The following KLK9 variants were observed in gnomAD, a reference collection of about 807,000 sequenced individuals.
KLK9 encodes kallikrein-9.
In KLK9, 26 loss-of-function variants were observed where a neutral mutation model predicts 23.3. That is an observed-to-expected ratio of 1.12 (90% CI 0.82 to 1.55). The LOEUF is 1.55. Among genes scored for constraint, KLK9 ranks in the 40% most tolerant of loss-of-function variants. KLK9 has a pLI of 0.00. For synonymous variants in KLK9, 122 were observed against 128.5 expected (o/e 0.95, Z 0.34); for missense variants, 346 against 333.7 (o/e 1.04, Z -0.29).
intron 2 of KLK9, among the ~76,000 whole-genome samples, chr19:51,008,418 G>T (rs1017277050): frequency 2.0e-5 from 3 of 151,630 alleles, no homozygotes; most frequent in South Asian, 2.1e-4. Context: ...TTAAGAGTCT[G>T]GGATTCAAAT....
Position 51,002,641 on chromosome 19 carries a change from A to G in KLK9, c.*470T>C, listed in dbSNP as rs189680594. On this transcript the variant is annotated 3_prime_UTR_variant, in exon 5 of 5. Transcript: ENST00000594211. The stretch of plus-strand genomic sequence containing the variant: ...AGCACACGCCCAGGACGGGGCCACA[A>G]GGGGCTGAGCTCTACACCGCCCGAG... The G allele has an allele frequency of 0.015, 2,354 of 152,632 alleles. 60 individuals are homozygous for G. Among genetic ancestry groups the G allele is most frequent in the African/African-American group, 0.055 (2,224 of 40,664 alleles). The allele number at this position is 152,632 out of a possible 1,614,324, so 9.5% of individuals were successfully genotyped here. A position where few individuals can be genotyped will look rare whatever the true frequency, so the allele number is the denominator to read the frequency against.
In KLK9 at chr19:51,009,388, G is replaced by T. The variant is rs761058524; in HGVS notation, c.44-49C>A. On this transcript the variant is annotated intron_variant, in intron 1 of 4. Coordinates refer to ENST00000594211, the MANE Select transcript of KLK9 (RefSeq NM_012315.2). This position sits in a 1 kb window ranked among gnomAD's most constrained non-coding sequence, Gnocchi z 4.8. ...GGGGTCAGCGAAGAGCAGGCTGGGA[G>T]GGCAGGGAGAGGATGCTGAGAAGCC... 1.9e-6 allele frequency: 3 copies of T among 1,546,100 alleles called. No homozygotes were observed. The South Asian group carries it at 3.8e-5, about 19-fold the overall frequency.
At chr19:51,008,809 C>G (rs937888994) in intron 2 of KLK9, among the ~76,000 whole-genome samples, 9 of 152,258 alleles carry the variant, frequency 5.9e-5, no homozygotes, top group Admixed American at 5.9e-4. Context: ...ACACATGTGG[C>G]TGGCATCATA....
rs778274403 is a variant in KLK9, at chr19:51,009,310, C to T, written c.73G>A (p.Gly25Arg). The change falls in exon 2 of 5, where the codon GGG becomes AGG. Residue 25 changes from glycine (G) to arginine (R), a missense_variant. Physicochemically the swap from Gly to Arg is moderately radical, Grantham distance 125 (BLOSUM62 -2). Coordinates refer to ENST00000594211, the MANE Select transcript of KLK9 (RefSeq NM_012315.2). The surrounding 1 kb of genome is among the most constrained non-coding windows in gnomAD (Gnocchi z 4.8). Reference sequence around the variant, plus strand: ...GAGTTGGGGCGACATTCCTCGGCCCCGATGGCACGGGTGTCTGCCCAGCCA... The same window carrying T: ...GAGTTGGGGCGACATTCCTCGGCCCTGATGGCACGGGTGTCTGCCCAGCCA... Reference protein sequence around the residue: ...GHGWADTRAIGAEECRPNSQP... With the variant: ...GHGWADTRAIRAEECRPNSQP... 16 of 1,593,396 alleles carry T rather than the reference C, an allele frequency of 1.0e-5. No individual in the cohort carries two copies. Among genetic ancestry groups the T allele is most frequent in the Admixed American group, 8.7e-5 (5 of 57,450 alleles).
In KLK9 at chr19:51,006,922, A is replaced by G. The variant is rs984761725; in HGVS notation, c.201-199T>C. 2.0e-5 allele frequency among the ~76,000 whole-genome samples: 3 copies of G among 151,542 alleles called. No homozygotes were observed. The highest frequency in any genetic ancestry group is 6.6e-5 in the Admixed American group (1 of 15,200). On this transcript the variant is annotated intron_variant, in intron 2 of 4. Coordinates refer to ENST00000594211, the MANE Select transcript of KLK9 (RefSeq NM_012315.2). The surrounding 1 kb of genome is among the most constrained non-coding windows in gnomAD (Gnocchi z 4.1). ...CACCTCCTCTGGGTCCCTGGTCCCC[A>G]CTCTGATGTTTTGTGTGTCTCCATC...
At position 51,003,201 on chromosome 19, in the gene KLK9, AC is replaced by A; in HGVS notation, c.662del (p.Gly221ValfsTer50). 6.2e-7 allele frequency: 1 copy of A among 1,612,884 alleles called. No individual in the cohort carries two copies. On this transcript the variant is annotated frameshift_variant, in exon 5 of 5. Transcript: ENST00000594211. LOFTEE classifies it low-confidence loss of function (END_TRUNC). ...GCCGGGGTCTGGAGCAGGGCTCAGCACCCCCAGACACCACGCCTGCCAAGGT... is the reference window on the plus strand; with the variant it reads ...GCCGGGGTCTGGAGCAGGGCTCAGCACCCCAGACACCACGCCTGCCAAGGT... ...NGTLAGVVSG[G>X]AEPCSRPRRP...
At position 51,009,088 on chromosome 19, in the gene KLK9, G is replaced by C. The variant is rs966244592; in HGVS notation, c.200+95C>G. On this transcript the variant is annotated intron_variant, in intron 2 of 4. Coordinates refer to ENST00000594211, the MANE Select transcript of KLK9 (RefSeq NM_012315.2). This position sits in a 1 kb window ranked among gnomAD's most constrained non-coding sequence, Gnocchi z 4.8. ...AAGAGTTGAACTTGTGGTATCAGAA[G>C]TGGAGGCTCCGCACTTCTGGCCTAA... The C allele has an allele frequency of 4.3e-6, 6 of 1,384,040 alleles. No individual in the cohort carries two copies. The highest frequency in any genetic ancestry group is 5.8e-6 in the Non-Finnish European group (6 of 1,034,464). The allele number at this position is 1,384,040 out of a possible 1,614,324, so 85.7% of individuals were successfully genotyped here.
At chr19:51,005,411 G>A (rs757686685) in intron 3 of KLK9, among the ~76,000 whole-genome samples, 2 of 152,104 alleles carry the variant, frequency 1.3e-5, no homozygotes, top group Non-Finnish European at 2.9e-5. Context: ...TTAGCATAAG[G>A]CTTAAGTTAA....
chr19:51,008,102 G>T (rs1344269960), intron 2 of KLK9, among the ~76,000 whole-genome samples: 1 of 150,872 alleles, frequency 6.6e-6, no homozygotes, highest in African/African-American at 2.4e-5. Context: ...AGGCCGAGGC[G>T]GGCAGATCAC....
At chr19:51,003,676 C>A in intron 4 of KLK9, 28 bp downstream of exon 4, 1 of 1,593,396 alleles carries the variant, frequency 6.3e-7, no homozygotes, top group South Asian at 1.1e-5. Context: ...GGCAGGACAG[C>A]CTCATTTTCC....
rs1478516493 is a variant in KLK9, at chr19:51,003,101, G to A, written c.*10C>T. On this transcript the variant is annotated 3_prime_UTR_variant, in exon 5 of 5. Transcript: ENST00000594211. ...CTTGGTCTTCCAAGGTGCCCCCGTG[G>A]CGCGCGGGCTCAGTTCTCCATGATT... The A allele has an allele frequency of 1.9e-6, 3 of 1,601,170 alleles. No homozygotes were observed. The highest frequency in any genetic ancestry group is 2.6e-6 in the Non-Finnish European group (3 of 1,172,476).
intron 4 of KLK9, 39 bp from the exon 5 acceptor site, chr19:51,003,299 T>C: frequency 1.3e-6 from 2 of 1,590,998 alleles, no homozygotes; most frequent in Non-Finnish European, 8.6e-7. Flanking sequence ...GTTAGGCCAC[T>C]CTGTTCATGA....
At position 51,002,931 on chromosome 19, in the gene KLK9, G is replaced by A. The variant is rs191134961; in HGVS notation, c.*180C>T. ...CTCCGTTCCGAGGGGGCGCGACTGT[G>A]TCTTGCTTGACCTCGTGAGGGGGCG... is the stretch of plus-strand genomic sequence containing the variant. On this transcript the variant is annotated 3_prime_UTR_variant, in exon 5 of 5. Coordinates refer to ENST00000594211, the MANE Select transcript of KLK9 (RefSeq NM_012315.2). 2.5e-5 allele frequency: 18 copies of A among 723,044 alleles called. No individual in the cohort carries two copies. Among genetic ancestry groups the A allele is most frequent in the Middle Eastern group, 4.1e-4 (1 of 2,452 alleles). The allele number at this position is 723,044 out of a possible 1,614,324, so 44.8% of individuals were successfully genotyped here. A position where few individuals can be genotyped will look rare whatever the true frequency, so the allele number is the denominator to read the frequency against.
intron 2 of KLK9, among the ~76,000 whole-genome samples, chr19:51,007,563 C>G (rs1009569336): frequency 2.0e-5 from 3 of 151,864 alleles, no homozygotes; most frequent in Non-Finnish European, 2.9e-5. Flanking sequence ...GCCTCTCACT[C>G]TCTTCCACCT....
In KLK9 at chr19:51,003,059, C is replaced by T. The variant is rs866913247; in HGVS notation, c.*52G>A. On this transcript the variant is annotated 3_prime_UTR_variant, in exon 5 of 5. Coordinates refer to ENST00000594211, the MANE Select transcript of KLK9 (RefSeq NM_012315.2). ...GGGACCCTACGAGAACCCCCTACCC[C>T]GTGCCCTTCGGCCTCTCTTGGTCTT... 6.4e-7 allele frequency: 1 copy of T among 1,566,928 alleles called. No individual in the cohort carries two copies. Among genetic ancestry groups the T allele is most frequent in the Non-Finnish European group, 8.7e-7 (1 of 1,154,210 alleles).
At chr19:51,004,198 G>A (rs1018486027) in intron 3 of KLK9, among the ~76,000 whole-genome samples, 4 of 151,608 alleles carry the variant, frequency 2.6e-5, no homozygotes, top group Admixed American at 6.6e-5. Flanking sequence ...AAATTAGCCA[G>A]GCATGGTGGC....
chr19:51,006,761 G>C lies in KLK9; in HGVS notation c.201-38C>G, dbSNP rs755620647. On this transcript the variant is annotated intron_variant, in intron 2 of 4. Coordinates refer to ENST00000594211, the MANE Select transcript of KLK9 (RefSeq NM_012315.2). This position sits in a 1 kb window ranked among gnomAD's most constrained non-coding sequence, Gnocchi z 4.1. ...GCCTCAGAGGTCAAGCTGGGGGAAA[G>C]GTAAAAGTCCTTTCAGCCCCAGCCC... 5 of 1,523,546 alleles carry C rather than the reference G, an allele frequency of 3.3e-6. No individual in the cohort carries two copies. The highest frequency in any genetic ancestry group is 4.4e-6 in the Non-Finnish European group (5 of 1,134,884). 94.4% of individuals were successfully genotyped at this position (1,523,546 alleles called of 1,614,324 possible).
At chr19:51,004,112 G>A (rs1015257173) in intron 3 of KLK9, among the ~76,000 whole-genome samples, 3 of 151,958 alleles carry the variant, frequency 2.0e-5, no homozygotes, top group African/African-American at 7.2e-5. Context: ...GGCCGAGGCC[G>A]GCGGATCGCT....
In KLK9 at chr19:51,006,598, T is replaced by C; in HGVS notation, c.326A>G (p.Asn109Ser). 6.2e-7 allele frequency: 1 copy of C among 1,613,194 alleles called. No homozygotes were observed. Among genetic ancestry groups the C allele is most frequent in the Non-Finnish European group, 8.5e-7 (1 of 1,179,462 alleles). The change falls in exon 3 of 5, where the codon AAT becomes AGT. Residue 109 changes from asparagine (N) to serine (S), a missense_variant. Asn to Ser is a conservative substitution (Grantham distance 46). Transcript: ENST00000594211. The surrounding 1 kb of genome is among the most constrained non-coding windows in gnomAD (Gnocchi z 4.1). The part of the protein sequence containing the change: ...FNKDLSANDH[N>S]DDIMLIRLPR... ...CAGGCGGATCAGCATGATGTCATCA[T>C]TGTGGTCATTGGCGCTGAGGTCCTT...
Sources: gnomAD v4.1 joint callset for allele counts (sites outside exome capture counted in the v4.1 genomes callset) on GRCh38, gnomAD v4.1.1 for gene constraint, Gnocchi (gnomAD v3.1) non-coding constraint, MANE v1.5 for transcripts, NCBI Gene and HGNC (gene_info 2026-07-23, HGNC 2026-07-21) for gene names.